The following ARID1B variants were observed in gnomAD, a reference collection of about 807,000 sequenced individuals.
The protein encoded by ARID1B is AT-rich interaction domain 1B.
ARID1B carries 30 observed loss-of-function variants against 212.3 expected under a neutral mutation model. That is an observed-to-expected ratio of 0.14 (90% CI 0.11 to 0.19). The LOEUF is 0.19. ARID1B is among the 10% of genes least tolerant of loss of function. The pLI is 1.00. For synonymous variants in ARID1B, 1,402 were observed against 1,301.7 expected (o/e 1.08, Z -1.66); for missense variants, 2,891 against 3,204.0 (o/e 0.90, Z 2.36).
chr6:156,857,237 G>A (rs536638400), intron 2 of ARID1B, among the ~76,000 whole-genome samples: 2 of 152,100 alleles, frequency 1.3e-5, no homozygotes, highest in Non-Finnish European at 2.9e-5. Context: ...GTTTTGAAGT[G>A]TCAAAAGCTG....
intron 4 of ARID1B, among the ~76,000 whole-genome samples, chr6:156,987,579 C>T (rs1303369682): frequency 1.3e-5 from 2 of 152,218 alleles, no homozygotes; most frequent in African/African-American, 4.8e-5. Flanking sequence ...ATCCGCCCGC[C>T]TCGGCCTCCC....
chr6:156,975,608 TTTTTC>T (rs1425072467), intron 4 of ARID1B, among the ~76,000 whole-genome samples: 2 of 140,842 alleles, frequency 1.4e-5, no homozygotes, highest in Non-Finnish European at 3.1e-5. Context: ...CTGTATTTTT[TTTTTC>T]TTTTTTTTTT....
intron 6 of ARID1B, 175 bp downstream of exon 6, chr6:157,110,736 C>G: frequency 1.5e-6 from 1 of 677,074 alleles, no homozygotes; most frequent in Non-Finnish European, 2.5e-6. Flanking sequence ...AGGGAGGATG[C>G]TTTCTTGTAG....
At position 157,041,304 on chromosome 6, in the gene ARID1B, A is replaced by G. The variant is rs577088167; in HGVS notation, c.2248-43358A>G. ...ATCAGCTAAACATTTATATGTGTAC[A>G]TATGTGATTACATTACTAAACATAG... is the stretch of plus-strand genomic sequence containing the variant. On this transcript the variant is annotated intron_variant, in intron 4 of 19. Coordinates refer to ENST00000636930, the MANE Select transcript of ARID1B (RefSeq NM_001374828.1). Among the ~76,000 whole-genome samples, 4 of 152,352 alleles carry G rather than the reference A, an allele frequency of 2.6e-5. No homozygotes were observed. The East Asian group carries it at 5.8e-4, about 22-fold the overall frequency.
At chr6:156,796,347 A>G (rs921348310) in intron 1 of ARID1B, among the ~76,000 whole-genome samples, 16 of 151,858 alleles carry the variant, frequency 1.1e-4, no homozygotes, top group Non-Finnish European at 2.2e-4. Flanking sequence ...AAACAACAAA[A>G]TCTGTAACCT....
At chr6:157,068,958 TA>T (rs1431902087) in intron 4 of ARID1B, among the ~76,000 whole-genome samples, 1 of 152,160 alleles carries the variant, frequency 6.6e-6, no homozygotes, top group Admixed American at 6.5e-5. Context: ...AGAATAGGAG[TA>T]AATGTCTACT....
At chr6:157,110,974 A>AAATATCAGAC (rs1786865427) in intron 6 of ARID1B, 1 of 178,232 alleles carries the variant, frequency 5.6e-6, no homozygotes, top group African/African-American at 2.3e-5. Flanking sequence ...ATTTAATAGT[A>AAATATCAGAC]AGATTTTAAA....
chr6:156,913,385 T>C (rs1790069875), intron 3 of ARID1B, among the ~76,000 whole-genome samples: 1 of 151,730 alleles, frequency 6.6e-6, no homozygotes, highest in South Asian at 2.1e-4. Context: ...CCTGGCAAAT[T>C]TTTTTATATT....
chr6:156,954,149 C>T (rs1017704860), intron 4 of ARID1B, among the ~76,000 whole-genome samples: 7 of 151,668 alleles, frequency 4.6e-5, no homozygotes, highest in African/African-American at 1.7e-4. Context: ...TGGACAATTT[C>T]AGAGGAGACA....
At chr6:156,938,107 T>A (rs575791736) in intron 4 of ARID1B, 1 of 147,974 alleles carries the variant, frequency 6.8e-6, no homozygotes, top group African/African-American at 2.6e-5. Context: ...TTAAATGAAA[T>A]TTATTGCACC....
chr6:157,126,372 T>A (rs557980271), intron 6 of ARID1B, among the ~76,000 whole-genome samples: 32 of 152,204 alleles, frequency 2.1e-4, no homozygotes, highest in Admixed American at 1.7e-3. Flanking sequence ...AACAAATCCA[T>A]AGGGGGTGTG....
intron 4 of ARID1B, among the ~76,000 whole-genome samples, chr6:157,001,366 C>A (rs1232316621): frequency 1.3e-5 from 2 of 152,306 alleles, no homozygotes; most frequent in East Asian, 3.9e-4. Flanking sequence ...CCCCCTCAGT[C>A]TACCTGGATA....
chr6:157,068,331 C>A (rs1038742941), intron 4 of ARID1B, among the ~76,000 whole-genome samples: 4 of 152,214 alleles, frequency 2.6e-5, no homozygotes, highest in African/African-American at 9.6e-5. Context: ...AAGACATTCT[C>A]TTCTGCCTGT....
intron 2 of ARID1B, among the ~76,000 whole-genome samples, chr6:156,831,024 A>G (rs1373318582): frequency 6.6e-6 from 1 of 152,198 alleles, no homozygotes; most frequent in Admixed American, 6.5e-5. Context: ...AATTTTTTCC[A>G]CATTATTCCT....
chr6:156,983,521 A>G (rs1231958367), intron 4 of ARID1B, among the ~76,000 whole-genome samples: 1 of 152,168 alleles, frequency 6.6e-6, no homozygotes. Flanking sequence ...GGACTTCCTC[A>G]TGTTGATATG....
intron 3 of ARID1B, among the ~76,000 whole-genome samples, chr6:156,918,231 G>T (rs1478047416): frequency 6.6e-6 from 1 of 152,120 alleles, no homozygotes; most frequent in Non-Finnish European, 1.5e-5. Flanking sequence ...GATCCATTGT[G>T]GGGTAAACAG....
intron 4 of ARID1B, among the ~76,000 whole-genome samples, chr6:156,977,399 G>C (rs905252305): frequency 2.6e-5 from 4 of 151,216 alleles, no homozygotes; most frequent in Admixed American, 2.6e-4. Flanking sequence ...TCAATTTCAG[G>C]CTTATTCGTT....
intron 7 of ARID1B, among the ~76,000 whole-genome samples, chr6:157,142,501 C>T (rs1789435026): frequency 6.6e-6 from 1 of 152,096 alleles, no homozygotes; most frequent in African/African-American, 2.4e-5. Context: ...TAGTACACAC[C>T]TGTAAACCCA....
intron 4 of ARID1B, among the ~76,000 whole-genome samples, chr6:156,949,104 A>C (rs1282652042): frequency 6.6e-6 from 1 of 151,994 alleles, no homozygotes; most frequent in East Asian, 1.9e-4. Context: ...AAGTCTCCCA[A>C]CCCTTTTGTG....
Sources: allele counts gnomAD v4.1 joint callset (sites outside exome capture counted in the v4.1 genomes callset), GRCh38; gene constraint gnomAD v4.1.1; transcripts MANE v1.5; gene names NCBI Gene and HGNC (gene_info 2026-07-23, HGNC 2026-07-21).